The following XPNPEP1 variants were observed in gnomAD, a reference collection of about 807,000 sequenced individuals.
The protein encoded by XPNPEP1 is X-prolyl aminopeptidase 1.
In XPNPEP1, 39 loss-of-function variants were observed where a neutral mutation model predicts 92.4. The observed-to-expected ratio is 0.42, with a 90% CI of 0.33 to 0.55. The LOEUF is 0.55. XPNPEP1 is among the 20% of genes least tolerant of loss of function. The probability of loss-of-function intolerance (pLI) is 0.08; values close to 1 mark genes in which losing one functional copy is unlikely to be tolerated. For synonymous variants in XPNPEP1, 307 were observed against 299.4 expected (o/e 1.03, Z -0.26); for missense variants, 654 against 856.1 (o/e 0.76, Z 2.95).
chr10:109,916,944 C>G (rs1251386854), intron 1 of XPNPEP1, among the ~76,000 whole-genome samples: 1 of 152,158 alleles, frequency 6.6e-6, no homozygotes, highest in Non-Finnish European at 1.5e-5. Flanking sequence ...GTTAAAAGTA[C>G]TCAGCAAACT....
In XPNPEP1 at chr10:109,870,824, C is replaced by T. The variant is rs1306655097; in HGVS notation, c.1603G>A (p.Gly535Arg). 1 of 1,614,110 alleles carries T rather than the reference C, an allele frequency of 6.2e-7. No individual in the cohort carries two copies. Among genetic ancestry groups the T allele is most frequent in the Non-Finnish European group, 8.5e-7 (1 of 1,180,012 alleles). Residue 535 changes from glycine to arginine, a missense_variant, in exon 18 of 21, where the codon GGG becomes AGG. Gly to Arg is a moderately radical substitution (Grantham distance 125, BLOSUM62 -2). Transcript: ENST00000502935. ...DYLHGTGHGVGSFLNVHEGPC... is the reference protein window; with the variant it reads ...DYLHGTGHGVRSFLNVHEGPC... ...CCCTCATGGACATTCAAAAAAGACC[C>T]AACACCATGTCCAGTCCCGTGCAAG...
Position 109,877,839 on chromosome 10 carries a change from A to G in XPNPEP1, c.1270T>C (p.Phe424Leu). 6.2e-7 allele frequency: 1 copy of G among 1,614,248 alleles called. No homozygotes were observed. Among genetic ancestry groups the G allele is most frequent in the Non-Finnish European group, 8.5e-7 (1 of 1,180,046 alleles). The change falls in exon 14 of 21, where the codon TTC becomes CTC. Residue 424 changes from phenylalanine to leucine, a missense_variant. By Grantham distance (22) the Phe-to-Leu change is conservative. Coordinates refer to ENST00000502935, the MANE Select transcript of XPNPEP1 (RefSeq NM_020383.4). ...GGTCCCGTACTGGAAATTGTTGGGA[A>G]GCTCAGGTCCACAAAGTCTGCCTGT... ...RQQADFVDLS[F>L]PTISSTGPNG... is the part of the protein sequence containing the mutation.
chr10:109,883,889 G>C (rs1848244531), intron 9 of XPNPEP1, 178 bp downstream of exon 9: 3 of 583,258 alleles, frequency 5.1e-6, no homozygotes. Flanking sequence ...AAGAGAGGCA[G>C]GATATAAATA....
intron 12 of XPNPEP1, among the ~76,000 whole-genome samples, chr10:109,879,115 G>A (rs911457197): frequency 2.6e-5 from 4 of 151,698 alleles, no homozygotes; most frequent in South Asian, 2.1e-4. Flanking sequence ...GGTGGCGGGC[G>A]CCTGTAGTCC....
intron 1 of XPNPEP1, among the ~76,000 whole-genome samples, chr10:109,918,827 G>T (rs1850336991): frequency 7.8e-6 from 1 of 128,664 alleles, no homozygotes; most frequent in African/African-American, 2.9e-5. Context: ...AGGAAAGAAA[G>T]GAAAGGAGGA....
chr10:109,888,089 G>A lies in XPNPEP1; in HGVS notation c.612C>T (p.Arg204=). The A allele has an allele frequency of 6.2e-7, 1 of 1,614,102 alleles. No individual in the cohort carries two copies. The highest frequency in any genetic ancestry group is 1.1e-5 in the South Asian group (1 of 91,070). ...VDKIWTDRPE[R]PCKPLLTLGL... is the part of the protein sequence containing the mutation. ...CCAGTGTGAGGAGAGGCTTGCAAGG[G>A]CGCTCAGGACGGTCTGTCCAGATTT... Residue 204 remains arginine, a synonymous_variant, in exon 7 of 21, where the codon CGC becomes CGT. Transcript: ENST00000502935.
intron 3 of XPNPEP1, among the ~76,000 whole-genome samples, chr10:109,898,537 G>A (rs758367120): frequency 3.3e-5 from 5 of 152,184 alleles, no homozygotes; most frequent in Non-Finnish European, 7.3e-5. Flanking sequence ...GGCCACCAAG[G>A]ATAGGCGAAG....
At chr10:109,907,845 C>A in intron 2 of XPNPEP1, 30 bp from the exon 3 acceptor site, 1 of 1,612,568 alleles carries the variant, frequency 6.2e-7, no homozygotes, top group Middle Eastern at 1.7e-4. Context: ...AATTTCAAAA[C>A]CAGCCTGCCC....
At chr10:109,898,990 T>C (rs1849131570) in intron 3 of XPNPEP1, among the ~76,000 whole-genome samples, 1 of 152,194 alleles carries the variant, frequency 6.6e-6, no homozygotes, top group South Asian at 2.1e-4. Flanking sequence ...GTGCCTCAAA[T>C]ATACAAGGTT....
At chr10:109,891,849 A>AT (rs765182358) in intron 4 of XPNPEP1, 23 bp from the exon 5 acceptor site, 1 of 1,609,168 alleles carries the variant, frequency 6.2e-7, no homozygotes, top group Non-Finnish European at 8.5e-7. Flanking sequence ...AGAAAAAAAA[A>AT]AGAAGAAGAA....
At chr10:109,915,175 C>T (rs1206476832) in intron 1 of XPNPEP1, 76 bp from the exon 2 acceptor site, 37 of 823,762 alleles carry the variant, frequency 4.5e-5, no homozygotes, top group South Asian at 1.7e-4. Context: ...GAGGAGGCAT[C>T]GCTTAACTTA....
At chr10:109,892,645 A>G (rs931383060) in intron 4 of XPNPEP1, 5 of 194,130 alleles carry the variant, frequency 2.6e-5, no homozygotes, top group Admixed American at 2.1e-4. Flanking sequence ...AAGCTAAGAG[A>G]GGAGGTTCTG....
chr10:109,907,892 A>C (rs1685033114), intron 2 of XPNPEP1, 77 bp from the exon 3 acceptor site: 1 of 1,582,974 alleles, frequency 6.3e-7, no homozygotes, highest in Non-Finnish European at 8.6e-7. Context: ...TGGGCCACAG[A>C]GAGAAGTGCC....
chr10:109,902,204 A>G (rs1849321707), intron 3 of XPNPEP1, among the ~76,000 whole-genome samples: 2 of 152,278 alleles, frequency 1.3e-5, no homozygotes. Flanking sequence ...CAATAGCGGC[A>G]GCTAATATGA....
At chr10:109,921,392 G>A (rs1850531625) in intron 1 of XPNPEP1, among the ~76,000 whole-genome samples, 1 of 152,208 alleles carries the variant, frequency 6.6e-6, no homozygotes, top group Non-Finnish European at 1.5e-5. Flanking sequence ...CACAAAGTGG[G>A]TAAGGGGCAA....
In XPNPEP1 at chr10:109,907,609, T is replaced by C; in HGVS notation, c.246+82A>G. On this transcript the variant is annotated intron_variant, in intron 3 of 20. Transcript: ENST00000502935. The stretch of plus-strand genomic sequence containing the variant: ...GCTTGGTTGTGGCCCTGGTTGTGGG[T>C]TGACAATTAGAATCCTACAAACACA... The C allele has an allele frequency of 2.5e-6, 4 of 1,580,530 alleles. No individual in the cohort carries two copies. In the South Asian group the frequency reaches 4.7e-5, roughly 18 times the overall value.
intron 3 of XPNPEP1, among the ~76,000 whole-genome samples, chr10:109,904,647 A>T (rs1216183149): frequency 1.3e-5 from 2 of 152,242 alleles, no homozygotes; most frequent in African/African-American, 4.8e-5. Flanking sequence ...TCTCCAAAGA[A>T]AATATACAAA....
At chr10:109,870,546 T>C (rs1847399736) in intron 18 of XPNPEP1, among the ~76,000 whole-genome samples, 185 bp downstream of exon 18, 1 of 152,252 alleles carries the variant, frequency 6.6e-6, no homozygotes, top group Non-Finnish European at 1.5e-5. Context: ...TTTCATTTTC[T>C]TTTTACACAG....
At position 109,877,781 on chromosome 10, in the gene XPNPEP1, A is replaced by T. The variant is rs778488939; in HGVS notation, c.1319+9T>A. 1 of 1,614,228 alleles carries T rather than the reference A, an allele frequency of 6.2e-7. No homozygotes were observed. The highest frequency in any genetic ancestry group is 1.7e-5 in the Admixed American group (1 of 60,034). On this transcript the variant is annotated intron_variant, in intron 14 of 20. Coordinates refer to ENST00000502935, the MANE Select transcript of XPNPEP1 (RefSeq NM_020383.4). ...AAGGCCAGGCAGCATGCTCCTCCGC[A>T]TGCCTTACGCGTAGTGAATGATGGC...
Sources: allele counts gnomAD v4.1 joint callset (sites outside exome capture counted in the v4.1 genomes callset), GRCh38; gene constraint gnomAD v4.1.1; transcripts MANE v1.5; gene names NCBI Gene and HGNC (gene_info 2026-07-23, HGNC 2026-07-21).